DNAH10: variants seen among roughly 807,000 people sequenced by gnomAD.
DNAH10 encodes the protein dynein axonemal heavy chain 10.
In DNAH10, 348 loss-of-function variants were observed where a neutral mutation model predicts 506.6. That is an observed-to-expected ratio of 0.69 (90% confidence interval 0.63 to 0.75). The LOEUF is 0.75. Ranked by LOEUF, DNAH10 falls within the 30% of genes least tolerant of loss-of-function variation. DNAH10 has a pLI of 0.00. For synonymous variants in DNAH10, 2,059 were observed against 2,198.6 expected (o/e 0.94, Z 1.78); for missense variants, 5,179 against 5,787.1 (o/e 0.89, Z 3.41).
Position 123,935,583 on chromosome 12 carries a change from G to T in DNAH10, c.*102G>T. ...GGGGCCTCTCAAGAGGCAGGAGGGG[G>T]ACTGACACTGATTTTTCATTTGAAA... On this transcript the variant is annotated 3_prime_UTR_variant, in exon 79 of 79. Coordinates refer to ENST00000673944, the MANE Select transcript of DNAH10 (RefSeq NM_001372106.1). 8.1e-7 allele frequency: 1 copy of T among 1,230,274 alleles called. No individual in the cohort carries two copies. Among genetic ancestry groups the T allele is most frequent in the South Asian group, 2.0e-5 (1 of 48,818 alleles). 76.2% of individuals were successfully genotyped at this position (1,230,274 alleles called of 1,614,324 possible).
intron 10 of DNAH10, among the ~76,000 whole-genome samples, chr12:123,789,393 T>C (rs1957993215): frequency 6.6e-6 from 1 of 151,334 alleles, no homozygotes; most frequent in Non-Finnish European, 1.5e-5. Flanking sequence ...TGTGTGTGTG[T>C]GTGCATGTGA....
Position 123,859,152 on chromosome 12 carries a change from G to A in DNAH10, c.6633G>A (p.Val2211=). ...AGCTGCCATTGTTTGTCCCGCAGGT[G>A]GATAAAGTGGTTCAAATGTTCGAGA... The part of the protein sequence containing the change: ...ENGYAVLPIQ[V]DKVVQMFETM... Residue 2211 remains valine, a splice_region_variant and synonymous_variant, in exon 38 of 79, where the codon GTG becomes GTA. Coordinates refer to ENST00000673944, the MANE Select transcript of DNAH10 (RefSeq NM_001372106.1). 1.2e-6 allele frequency: 2 copies of A among 1,608,092 alleles called. No homozygotes were observed. Among genetic ancestry groups the A allele is most frequent in the Non-Finnish European group, 1.7e-6 (2 of 1,177,668 alleles).
rs1025949395 is a variant in DNAH10 at position 123,853,837 on chromosome 12, CACACGCACGG to C, written c.6438+490_6438+499del. Among the ~76,000 whole-genome samples, 11 of 148,428 alleles carry C rather than the reference CACACGCACGG, an allele frequency of 7.4e-5. No individual in the cohort carries two copies. Among genetic ancestry groups the C allele is most frequent in the Admixed American group, 4.8e-4 (7 of 14,696 alleles). On this transcript the variant is annotated intron_variant, in intron 36 of 78. Transcript: ENST00000673944. This position sits in a 1 kb window ranked among gnomAD's most constrained non-coding sequence, Gnocchi z 4.7. ...ACGCACACACGCACGCACACACACG[CACACGCACGG>C]ACACACGCACGCGCACACACACACG...
chr12:123,800,080 C>A (rs1290065824), intron 14 of DNAH10, 136 bp from the exon 15 acceptor site: 4 of 684,478 alleles, frequency 5.8e-6, no homozygotes, highest in Middle Eastern at 4.3e-4. Context: ...CATATTCCAG[C>A]CAGTTCCAGC....
At chr12:123,883,326 G>A (rs990031784) in intron 51 of DNAH10, among the ~76,000 whole-genome samples, 1 of 152,226 alleles carries the variant, frequency 6.6e-6, no homozygotes, top group Non-Finnish European at 1.5e-5. Flanking sequence ...TACCAGCAGC[G>A]TCTGAGGGTT....
intron 16 of DNAH10, among the ~76,000 whole-genome samples, chr12:123,802,537 C>A (rs898781984): frequency 6.6e-6 from 1 of 152,168 alleles, no homozygotes; most frequent in African/African-American, 2.4e-5. Context: ...AACTCCTGGC[C>A]TCAAGTGATC....
intron 18 of DNAH10, among the ~76,000 whole-genome samples, chr12:123,805,567 C>G (rs1958635831): frequency 1.3e-5 from 2 of 152,128 alleles, no homozygotes; most frequent in Non-Finnish European, 2.9e-5. Flanking sequence ...CATTGGTGGC[C>G]CACAGACTGT....
At chr12:123,935,251 C>T in intron 78 of DNAH10, 84 bp from the exon 79 acceptor site, 1 of 1,527,794 alleles carries the variant, frequency 6.5e-7, no homozygotes, top group Non-Finnish European at 9.0e-7. Flanking sequence ...GGGCCCCTGC[C>T]TGTCAAGACT....
At chr12:123,774,930 C>A (rs1200945958) in intron 5 of DNAH10, among the ~76,000 whole-genome samples, 2 of 152,176 alleles carry the variant, frequency 1.3e-5, no homozygotes, top group Non-Finnish European at 2.9e-5. Context: ...CAGGCAATGG[C>A]CCTGCTCTCC....
At chr12:123,777,912 C>T (rs913918884) in intron 5 of DNAH10, among the ~76,000 whole-genome samples, 2 of 152,112 alleles carry the variant, frequency 1.3e-5, no homozygotes, top group Non-Finnish European at 2.9e-5. Context: ...ATCTGCCCTC[C>T]TCGGCCTCCC....
chr12:123,784,377 T>A (rs534628537), intron 8 of DNAH10, among the ~76,000 whole-genome samples, 200 bp downstream of exon 8: 1 of 152,150 alleles, frequency 6.6e-6, no homozygotes, highest in African/African-American at 2.4e-5. Context: ...TAAAACCCTG[T>A]CTCTCCAAAA....
intron 5 of DNAH10, among the ~76,000 whole-genome samples, chr12:123,779,432 G>C (rs1957560592): frequency 6.6e-6 from 1 of 152,074 alleles, no homozygotes; most frequent in Non-Finnish European, 1.5e-5. Flanking sequence ...TCAAAAATTG[G>C]GCAAATAAAG....
In DNAH10 at chr12:123,923,872, T is replaced by A. The variant is rs766596772; in HGVS notation, c.11611+5T>A. The A allele has an allele frequency of 1.8e-5, 28 of 1,594,970 alleles. No individual in the cohort carries two copies. In the Admixed American group the frequency reaches 3.6e-4, roughly 21 times the overall value. On this transcript the variant is annotated splice_donor_5th_base_variant and intron_variant, in intron 66 of 78. Coordinates refer to ENST00000673944, the MANE Select transcript of DNAH10 (RefSeq NM_001372106.1). Reference sequence around the variant, plus strand: ...AACTAGATTTCTTTTTAAAAGGTAATGAATTTGCCTAGCTTCATTCCTCCC... The same window carrying A: ...AACTAGATTTCTTTTTAAAAGGTAAAGAATTTGCCTAGCTTCATTCCTCCC...
rs1286256976 is a variant in DNAH10, at chr12:123,837,259, G to A, written c.4903-1197G>A. On this transcript the variant is annotated intron_variant, in intron 28 of 78. Transcript: ENST00000673944. ...CTCGGGAGGCTGAGGTGGGAGGATC[G>A]CTTGAACCCAGGAGGTGAAGGTTGC... Among the ~76,000 whole-genome samples the A allele has an allele frequency of 1.6e-4, 24 of 150,772 alleles. No homozygotes were observed. In the East Asian group the frequency reaches 4.6e-3, roughly 29 times the overall value.
At chr12:123,770,195 C>A (rs545503534) in intron 2 of DNAH10, among the ~76,000 whole-genome samples, 64 of 152,010 alleles carry the variant, frequency 4.2e-4, no homozygotes, top group African/African-American at 1.5e-3. Context: ...TTGCAGTGAG[C>A]CAAGATCGTG....
chr12:123,807,882 G>A (rs1005738109), intron 18 of DNAH10, among the ~76,000 whole-genome samples: 1 of 139,400 alleles, frequency 7.2e-6, no homozygotes, highest in African/African-American at 2.7e-5. Context: ...AACAGGAAGA[G>A]GGAGAGAGAG....
intron 67 of DNAH10, among the ~76,000 whole-genome samples, chr12:123,924,752 A>G (rs1338681357): frequency 6.6e-6 from 1 of 150,740 alleles, no homozygotes; most frequent in Non-Finnish European, 1.5e-5. Flanking sequence ...CCATCCATCC[A>G]TGCACCCACT....
At chr12:123,819,760 A>C (rs1277988835) in intron 23 of DNAH10, among the ~76,000 whole-genome samples, 2 of 135,898 alleles carry the variant, frequency 1.5e-5, no homozygotes, top group Non-Finnish European at 3.0e-5. Context: ...ACTGGAGTGC[A>C]GTGGCACAAT....
rs377257844 is a variant in DNAH10, at chr12:123,819,171, C to T, written c.3921C>T (p.Asn1307=). ...FTELTRGEIM[N]YRVQIEEFAK... is the part of the protein sequence containing the mutation. The stretch of plus-strand genomic sequence containing the variant: ...AGCTTACTCGAGGCGAAATAATGAA[C>T]TACAGAGTTCAGATAGAGGAGTTTG... The change falls in exon 23 of 79, where the codon AAC becomes AAT. Residue 1307 remains asparagine (N), a synonymous_variant. Coordinates refer to ENST00000673944, the MANE Select transcript of DNAH10 (RefSeq NM_001372106.1). The T allele has an allele frequency of 3.0e-5, 49 of 1,613,406 alleles. No homozygotes were observed. In the African/African-American group the frequency reaches 5.7e-4, roughly 19 times the overall value.
Sources: allele counts gnomAD v4.1 joint callset (sites outside exome capture counted in the v4.1 genomes callset), GRCh38; gene constraint gnomAD v4.1.1; non-coding constraint Gnocchi (gnomAD v3.1); transcripts MANE v1.5; gene names NCBI Gene and HGNC (gene_info 2026-07-23, HGNC 2026-07-21).